SEZ6L: variants seen among roughly 807,000 people sequenced by gnomAD.
The protein encoded by SEZ6L is seizure 6-like protein.
SEZ6L carries 37 observed loss-of-function variants against 106.2 expected under a neutral mutation model. The ratio of observed to expected loss-of-function variants is 0.35; its 90% CI spans 0.27 to 0.46. The LOEUF (loss-of-function observed/expected upper bound fraction) is 0.46, where lower values mean the gene tolerates loss of function less well. Among genes scored for constraint, SEZ6L ranks in the 20% least tolerant of loss-of-function variants. The pLI is 1.00. For synonymous variants in SEZ6L, 541 were observed against 570.4 expected, an observed-to-expected ratio of 0.95 and a Z score of 0.73; for missense variants, 1,172 against 1,332.8, an observed-to-expected ratio of 0.88 and a Z score of 1.88.
chr22:26,208,795 T>C (rs1315999872), intron 1 of SEZ6L, among the ~76,000 whole-genome samples: 3 of 151,942 alleles, frequency 2.0e-5, no homozygotes, highest in African/African-American at 7.3e-5. Flanking sequence ...AACTATTATA[T>C]ATTTAAACAT....
intron 1 of SEZ6L, among the ~76,000 whole-genome samples, chr22:26,178,451 T>C (rs1242084772): frequency 1.3e-5 from 2 of 152,110 alleles, no homozygotes; most frequent in East Asian, 3.9e-4. Context: ...CAGGGAAGGA[T>C]TGAGTGAGGC....
intron 1 of SEZ6L, among the ~76,000 whole-genome samples, chr22:26,258,961 C>T (rs1290460211): frequency 6.6e-6 from 1 of 152,070 alleles, no homozygotes; most frequent in Non-Finnish European, 1.5e-5. Context: ...GGAGTCAGGG[C>T]AACTAGTGAA....
chr22:26,199,256 C>G (rs941291166), intron 1 of SEZ6L, among the ~76,000 whole-genome samples: 1 of 152,168 alleles, frequency 6.6e-6, no homozygotes, highest in African/African-American at 2.4e-5. Flanking sequence ...AAGAACCATA[C>G]CCAGCGCTCA....
intron 1 of SEZ6L, among the ~76,000 whole-genome samples, chr22:26,213,028 T>C (rs1412451846): frequency 6.6e-6 from 1 of 152,170 alleles, no homozygotes; most frequent in African/African-American, 2.4e-5. Context: ...CAGTGCTAGA[T>C]ATGTGTGCAT....
chr22:26,329,749 C>T (rs2082424325), intron 9 of SEZ6L, among the ~76,000 whole-genome samples: 1 of 152,206 alleles, frequency 6.6e-6, no homozygotes, highest in Admixed American at 6.5e-5. Flanking sequence ...CAGTTTACTC[C>T]TCTATGGGAT....
At chr22:26,177,114 T>G (rs1388655416) in intron 1 of SEZ6L, among the ~76,000 whole-genome samples, 1 of 152,208 alleles carries the variant, frequency 6.6e-6, no homozygotes, top group Non-Finnish European at 1.5e-5. Flanking sequence ...GGAGGTGAAG[T>G]TAGAGTCCTG....
chr22:26,318,792 A>T (rs1193629399), intron 9 of SEZ6L, among the ~76,000 whole-genome samples: 2 of 152,086 alleles, frequency 1.3e-5, no homozygotes, highest in African/African-American at 2.4e-5. Context: ...TTATCTATTT[A>T]TCTATTATAC....
At chr22:26,202,782 G>T (rs1202226756) in intron 1 of SEZ6L, among the ~76,000 whole-genome samples, 2 of 152,204 alleles carry the variant, frequency 1.3e-5, no homozygotes, top group African/African-American at 4.8e-5. Flanking sequence ...GCCCCTGGAT[G>T]ATTTAGAGTA....
At chr22:26,253,029 C>T (rs1205564659) in intron 1 of SEZ6L, among the ~76,000 whole-genome samples, 1 of 152,180 alleles carries the variant, frequency 6.6e-6, no homozygotes, top group Non-Finnish European at 1.5e-5. Context: ...TCGGGGCCTA[C>T]CTCTGGGCCA....
chr22:26,262,078 G>A (rs145440463), intron 1 of SEZ6L, among the ~76,000 whole-genome samples: 2 of 151,922 alleles, frequency 1.3e-5, no homozygotes, highest in East Asian at 1.9e-4. Context: ...TTGTTTCCAG[G>A]GTAGCAAGTG....
intron 1 of SEZ6L, among the ~76,000 whole-genome samples, chr22:26,225,817 G>A (rs927176415): frequency 1.3e-5 from 2 of 152,190 alleles, no homozygotes; most frequent in African/African-American, 4.8e-5. Flanking sequence ...GTTCCACCCA[G>A]CAGCAAATCT....
At chr22:26,312,715 C>A (rs1244032283) in intron 8 of SEZ6L, among the ~76,000 whole-genome samples, 2 of 152,212 alleles carry the variant, frequency 1.3e-5, no homozygotes, top group Non-Finnish European at 2.9e-5. Context: ...GGACTACAGG[C>A]GTGTGCCACC....
intron 12 of SEZ6L, among the ~76,000 whole-genome samples, chr22:26,359,010 G>A (rs891299630): frequency 2.0e-5 from 3 of 152,094 alleles, no homozygotes; most frequent in Non-Finnish European, 2.9e-5. Context: ...GCCATGTCTC[G>A]GCTAAGGTCC....
chr22:26,351,548 G>GTTT lies in SEZ6L; in HGVS notation c.2599+305_2599+306insTTT, dbSNP rs1569475128. The GTTT allele has an allele frequency of 1.7e-4, 39 of 224,470 alleles. 1 individual carries two copies. Among genetic ancestry groups the GTTT allele is most frequent in the Middle Eastern group, 1.5e-3 (1 of 668 alleles). 13.9% of individuals were successfully genotyped at this position (224,470 alleles called of 1,614,324 possible). ...TTGTTTGTTTGTTTGTTTGTTTGTT[G>GTTT]GTTGGTTGGTTGGTTTTAGATGGAA... On this transcript the variant is annotated intron_variant, in intron 12 of 16. Transcript: ENST00000248933.
chr22:26,311,895 C>T lies in SEZ6L; in HGVS notation c.1809C>T (p.Gly603=), dbSNP rs879228789. The change falls in exon 8 of 17, where the codon GGC becomes GGT. Residue 603 remains glycine (G), a synonymous_variant. Coordinates refer to ENST00000248933, the MANE Select transcript of SEZ6L (RefSeq NM_021115.5). ...TCDPGHSLEQ[G]PAIIECINVR... ...ACCCCGGCCACTCCCTGGAGCAGGG[C>T]CCGGCCATCATCGAATGCATCAATG... 6.2e-7 allele frequency: 1 copy of T among 1,614,186 alleles called. No homozygotes were observed. The highest frequency in any genetic ancestry group is 8.5e-7 in the Non-Finnish European group (1 of 1,180,040).
chr22:26,340,679 C>G (rs2082801554), intron 10 of SEZ6L, 47 bp downstream of exon 10: 1 of 1,522,106 alleles, frequency 6.6e-7, no homozygotes, highest in Non-Finnish European at 9.0e-7. Flanking sequence ...TGTTTAGATA[C>G]AGGTTAAGGT....
At chr22:26,259,148 C>A (rs1293396623) in intron 1 of SEZ6L, among the ~76,000 whole-genome samples, 1 of 151,932 alleles carries the variant, frequency 6.6e-6, no homozygotes, top group African/African-American at 2.4e-5. Context: ...AGGACTACCA[C>A]AATAGCTGAA....
chr22:26,356,722 C>T (rs901864491), intron 12 of SEZ6L, among the ~76,000 whole-genome samples: 4 of 151,484 alleles, frequency 2.6e-5, no homozygotes, highest in South Asian at 2.1e-4. Context: ...GATGTGTATA[C>T]CCGTTGGGCT....
rs570144340 is a variant in SEZ6L at position 26,291,553 on chromosome 22, A to G, written c.95-853A>G. On this transcript the variant is annotated intron_variant, in intron 1 of 16. Transcript: ENST00000248933. ...AAACCACCATGGCACATGTTTACCT[A>G]CATAACAAACCTGCACATCCTGCAC... is the stretch of plus-strand genomic sequence containing the variant. Among the ~76,000 whole-genome samples the G allele has an allele frequency of 5.3e-5, 8 of 152,294 alleles. No homozygotes were observed. The South Asian group carries it at 1.4e-3, about 28-fold the overall frequency.
Sources: allele counts gnomAD v4.1 joint callset (sites outside exome capture counted in the v4.1 genomes callset), GRCh38; gene constraint gnomAD v4.1.1; transcripts MANE v1.5; gene names NCBI Gene and HGNC (gene_info 2026-07-23, HGNC 2026-07-21).